Variants in ST6GALNAC3 observed in about 807,000 individuals in gnomAD.
ST6GALNAC3 encodes the protein alpha-N-acetylgalactosaminide alpha-2,6-sialyltransferase 3.
Under a neutral mutation model 32.7 loss-of-function variants are expected in ST6GALNAC3, and 25 were observed. The ratio of observed to expected loss-of-function variants is 0.76; its 90% CI spans 0.56 to 1.07. ST6GALNAC3 has a LOEUF of 1.07. Among genes scored for constraint, ST6GALNAC3 ranks in the 50% least tolerant of loss-of-function variants. ST6GALNAC3 has a pLI of 0.00. For missense variants in ST6GALNAC3, 355 were observed against 382.4 expected (o/e 0.93, Z 0.60); for synonymous variants, 129 against 133.1 (o/e 0.97, Z 0.21).
At chr1:76,383,833 A>G (rs1651900286) in intron 2 of ST6GALNAC3, among the ~76,000 whole-genome samples, 1 of 152,222 alleles carries the variant, frequency 6.6e-6, no homozygotes, top group Non-Finnish European at 1.5e-5. Flanking sequence ...GGCATACATT[A>G]TATTATATTC....
intron 3 of ST6GALNAC3, among the ~76,000 whole-genome samples, chr1:76,490,834 A>G (rs985505964): frequency 6.7e-6 from 1 of 150,332 alleles, no homozygotes; most frequent in African/African-American, 2.5e-5. Context: ...TGATGCATTT[A>G]GTTTCTTTTT....
At chr1:76,637,235 G>A (rs1012014900), downstream of ST6GALNAC3, 4 of 152,122 alleles carry the variant, frequency 2.6e-5, no homozygotes, top group African/African-American at 9.7e-5. Context: ...TCCTACAAAT[G>A]TCTAAATTTC....
chr1:76,395,507 C>A (rs1245133681), intron 2 of ST6GALNAC3, among the ~76,000 whole-genome samples: 1 of 152,140 alleles, frequency 6.6e-6, no homozygotes, highest in Non-Finnish European at 1.5e-5. Flanking sequence ...TATTGCACCA[C>A]AATGCACAAT....
At chr1:76,346,929 T>G (rs1228588313) in intron 2 of ST6GALNAC3, among the ~76,000 whole-genome samples, 1 of 152,202 alleles carries the variant, frequency 6.6e-6, no homozygotes, top group Non-Finnish European at 1.5e-5. Flanking sequence ...TATATAGACG[T>G]AGAGAAAGTT....
At chr1:76,075,015 T>A in intron 1 of ST6GALNAC3, 131 bp downstream of exon 1, 1 of 1,246,406 alleles carries the variant, frequency 8.0e-7, no homozygotes, top group African/African-American at 1.5e-5. Flanking sequence ...TTCTTTTTGT[T>A]CCTTTGGCAA....
intron 3 of ST6GALNAC3, among the ~76,000 whole-genome samples, chr1:76,461,399 C>T (rs1341689764): frequency 2.0e-5 from 3 of 152,156 alleles, no homozygotes; most frequent in African/African-American, 7.2e-5. Flanking sequence ...ATACCCTGTG[C>T]CCTTAAGCCT....
Position 76,455,484 on chromosome 1 carries a change from T to C in ST6GALNAC3, c.623+43067T>C, listed in dbSNP as rs530694559. On this transcript the variant is annotated intron_variant, in intron 3 of 4. Coordinates refer to ENST00000328299, the MANE Select transcript of ST6GALNAC3 (RefSeq NM_152996.4). ...ATATAGGTTTTTCTCTAGAGAGACA[T>C]TGAATTTTTTCAGAAAACACCTCAT... Among the ~76,000 whole-genome samples, 8 of 152,310 alleles carry C rather than the reference T, an allele frequency of 5.3e-5. No homozygotes were observed. The South Asian group carries it at 1.2e-3, about 24-fold the overall frequency.
intron 1 of ST6GALNAC3, among the ~76,000 whole-genome samples, chr1:76,154,650 G>A (rs192435713): frequency 6.6e-6 from 1 of 152,136 alleles, no homozygotes; most frequent in East Asian, 1.9e-4. Context: ...CAATGTGGCC[G>A]TAGCATGCTT....
chr1:76,593,015 T>A (rs1024612219), intron 3 of ST6GALNAC3, among the ~76,000 whole-genome samples: 2 of 152,084 alleles, frequency 1.3e-5, no homozygotes, highest in Non-Finnish European at 2.9e-5. Context: ...TTTTGTTTAA[T>A]GTATATGCAC....
chr1:76,191,645 A>G (rs1245016627), intron 1 of ST6GALNAC3, among the ~76,000 whole-genome samples: 1 of 152,164 alleles, frequency 6.6e-6, no homozygotes, highest in East Asian at 1.9e-4. Flanking sequence ...CCCCATAAAT[A>G]TGTAAAATTA....
intron 1 of ST6GALNAC3, among the ~76,000 whole-genome samples, chr1:76,205,747 T>G (rs191579285): frequency 9.8e-5 from 15 of 152,340 alleles, no homozygotes; most frequent in African/African-American, 3.6e-4. Flanking sequence ...TATCTGATGC[T>G]GCTGATTTTA....
chr1:76,364,215 G>A (rs1650187596), intron 2 of ST6GALNAC3, among the ~76,000 whole-genome samples: 1 of 152,298 alleles, frequency 6.6e-6, no homozygotes, highest in Non-Finnish European at 1.5e-5. Flanking sequence ...GACCAAGGAG[G>A]CTTTGAAGAG....
intron 2 of ST6GALNAC3, among the ~76,000 whole-genome samples, chr1:76,361,132 G>A (rs1239926456): frequency 6.6e-6 from 1 of 151,990 alleles, no homozygotes; most frequent in Non-Finnish European, 1.5e-5. Context: ...CAGTTCAGTA[G>A]TATGAAGCAT....
chr1:76,267,556 A>C (rs1437218420), intron 1 of ST6GALNAC3, among the ~76,000 whole-genome samples: 1 of 152,192 alleles, frequency 6.6e-6, no homozygotes, highest in Non-Finnish European at 1.5e-5. Context: ...ATATATTTTC[A>C]TACTGAGGTT....
intron 2 of ST6GALNAC3, 119 bp from the exon 3 acceptor site, chr1:76,411,889 C>A: frequency 1.8e-6 from 2 of 1,117,626 alleles, no homozygotes; most frequent in Non-Finnish European, 2.5e-6. Flanking sequence ...TTTGTAGGTA[C>A]TTCAGAGATA....
At chr1:76,172,952 C>G (rs1414371617) in intron 1 of ST6GALNAC3, among the ~76,000 whole-genome samples, 1 of 152,164 alleles carries the variant, frequency 6.6e-6, no homozygotes, top group Non-Finnish European at 1.5e-5. Context: ...ATCAAACTAC[C>G]ATTGATATTC....
intron 3 of ST6GALNAC3, among the ~76,000 whole-genome samples, chr1:76,625,089 A>G (rs1427328299): frequency 2.0e-5 from 3 of 151,986 alleles, no homozygotes; most frequent in Admixed American, 6.6e-5. Flanking sequence ...ATGTTCGAGT[A>G]GCAGCAGAGC....
chr1:76,634,760 C>A (rs1402923116), downstream of ST6GALNAC3, among the ~76,000 whole-genome samples: 4 of 32,130 alleles, frequency 1.2e-4, 2 homozygotes, highest in Non-Finnish European at 2.0e-4. Flanking sequence ...AGTGCAGTGG[C>A]GGGATCTCGG....
intron 3 of ST6GALNAC3, among the ~76,000 whole-genome samples, chr1:76,472,970 G>A (rs1286411024): frequency 6.6e-6 from 1 of 152,088 alleles, no homozygotes; most frequent in African/African-American, 2.4e-5. Context: ...GCTGAAAGGC[G>A]AGTGAGGATG....
Sources: allele counts gnomAD v4.1 joint callset (sites outside exome capture counted in the v4.1 genomes callset), GRCh38; gene constraint gnomAD v4.1.1; transcripts MANE v1.5; gene names NCBI Gene and HGNC (gene_info 2026-07-23, HGNC 2026-07-21).